GPHN: variants seen among roughly 807,000 people sequenced by gnomAD.
GPHN encodes gephyrin.
GPHN carries 17 observed loss-of-function variants against 95.5 expected under a neutral mutation model. The ratio of observed to expected loss-of-function variants is 0.18; its 90% CI spans 0.12 to 0.27. GPHN has a LOEUF of 0.27. GPHN is among the 10% of genes least tolerant of loss of function. The pLI is 1.00. For synonymous variants in GPHN, 320 were observed against 322.5 expected (o/e 0.99, Z 0.08); for missense variants, 660 against 978.1 (o/e 0.67, Z 4.34).
chr14:67,602,646 A>G, the GPHN span, among the ~76,000 whole-genome samples: 1 of 152,350 alleles, frequency 6.6e-6, no homozygotes, highest in South Asian at 2.1e-4. Context: ...TAGTTTCATT[A>G]ACTTCTAATT....
intron 2 of GPHN, among the ~76,000 whole-genome samples, chr14:66,687,473 T>G (rs2067453795): frequency 6.6e-6 from 1 of 151,562 alleles, no homozygotes; most frequent in African/African-American, 2.4e-5. Flanking sequence ...CTTCTTTTTC[T>G]TTATTTTATT....
chr14:67,043,172 G>T lies in GPHN; in HGVS notation c.1007-15477G>T, dbSNP rs557979909. On this transcript the variant is annotated intron_variant, in intron 10 of 22. Transcript: ENST00000478722. ...TTCTAAATATACAATCATGTCATCT[G>T]CAAACAGAGACAATTTGACTTCTTC... Among the ~76,000 whole-genome samples, 123 of 152,330 alleles carry T rather than the reference G, an allele frequency of 8.1e-4. No homozygotes were observed. In the South Asian group the frequency reaches 0.011, roughly 13 times the overall value.
chr14:67,181,056 A>G lies in GPHN; in HGVS notation c.*119A>G. 1.2e-6 allele frequency: 1 copy of G among 827,162 alleles called. No homozygotes were observed. Among genetic ancestry groups the G allele is most frequent in the Non-Finnish European group, 2.0e-6 (1 of 494,860 alleles). The allele number at this position is 827,162 out of a possible 1,614,324, so 51.2% of individuals were successfully genotyped here. A position where few individuals can be genotyped will look rare whatever the true frequency, so the allele number is the denominator to read the frequency against. The stretch of plus-strand genomic sequence containing the variant: ...ATAAAAGTTGATCTGTATAGTCAAC[A>G]TCTTGAACTATATTTCAAATGAATT... On this transcript the variant is annotated 3_prime_UTR_variant, in exon 23 of 23. Coordinates refer to ENST00000478722, the MANE Select transcript of GPHN (RefSeq NM_020806.5).
At position 66,900,984 on chromosome 14, in the gene GPHN, C is replaced by T. The variant is rs561959452; in HGVS notation, c.390-15019C>T. 5.9e-5 allele frequency among the ~76,000 whole-genome samples: 9 copies of T among 152,104 alleles called. No homozygotes were observed. The East Asian group carries it at 1.7e-3, about 29-fold the overall frequency. ...TTCCATACTGCTCTCCATAGTGGCT[C>T]TACTAATTTACATTTCCACCAACAG... On this transcript the variant is annotated intron_variant, in intron 5 of 22. Transcript: ENST00000478722.
At chr14:66,539,013 T>C (rs1286721364) in intron 1 of GPHN, among the ~76,000 whole-genome samples, 1 of 152,146 alleles carries the variant, frequency 6.6e-6, no homozygotes, top group Non-Finnish European at 1.5e-5. Flanking sequence ...TAAGATTTAG[T>C]CTATCTCTGG....
At chr14:67,096,715 C>G (rs564034942) in intron 12 of GPHN, among the ~76,000 whole-genome samples, 4 of 109,852 alleles carry the variant, frequency 3.6e-5, no homozygotes, top group East Asian at 3.3e-4. Context: ...CCCCACCCCC[C>G]ACCCGGTTCT....
At chr14:67,533,299 C>G in the GPHN span, 1 of 151,948 alleles carries the variant, frequency 6.6e-6, no homozygotes, top group Non-Finnish European at 1.5e-5. Flanking sequence ...CGGCGGCAGC[C>G]CGGGACTCCG....
the GPHN span, chr14:67,376,721 G>A: frequency 1.1e-6 from 1 of 872,522 alleles, no homozygotes; most frequent in Non-Finnish European, 1.7e-6. Flanking sequence ...GCCAGTAAAT[G>A]GGCCAATCCT....
At chr14:67,456,066 A>G in the GPHN span, among the ~76,000 whole-genome samples, 1 of 152,270 alleles carries the variant, frequency 6.6e-6, no homozygotes, top group Non-Finnish European at 1.5e-5. Context: ...CAAACTATGC[A>G]TCTGACAAAG....
intron 12 of GPHN, 58 bp downstream of exon 12, chr14:67,089,133 C>CTTTTTTTTTTTTTTTTTTGT (rs2077041264): frequency 5.7e-6 from 1 of 174,676 alleles, no homozygotes; most frequent in Non-Finnish European, 8.9e-6. Context: ...TTCTTTTTTT[C>CTTTTTTTTTTTTTTTTTTGT]TTTTTTTTTT....
chr14:66,588,812 G>A lies in GPHN; in HGVS notation c.64+80221G>A, dbSNP rs184355462. On this transcript the variant is annotated intron_variant, in intron 1 of 22. Transcript: ENST00000478722. ...GAACCACACTGGAAATCACTCTTCAGGATATTATCCAGGAGAACTTTCCCA... is the reference window on the plus strand; with the variant it reads ...GAACCACACTGGAAATCACTCTTCAAGATATTATCCAGGAGAACTTTCCCA... 3.6e-3 allele frequency among the ~76,000 whole-genome samples: 555 copies of A among 152,262 alleles called. 12 individuals are homozygous for A. Among genetic ancestry groups the A allele is most frequent in the African/African-American group, 0.013 (529 of 41,566 alleles).
At chr14:67,379,654 C>CTTTTT in the GPHN span, among the ~76,000 whole-genome samples, 14 of 119,954 alleles carry the variant, frequency 1.2e-4, no homozygotes, top group Non-Finnish European at 1.6e-4. Flanking sequence ...TTTTCTTTTT[C>CTTTTT]TTTTTTTTTT....
intron 1 of GPHN, among the ~76,000 whole-genome samples, chr14:66,623,089 A>G (rs535223958): frequency 6.6e-6 from 1 of 152,188 alleles, no homozygotes; most frequent in Non-Finnish European, 1.5e-5. Flanking sequence ...ACAGTTCTTC[A>G]TGACTGGGGA....
chr14:66,700,621 A>G (rs2068463803), intron 2 of GPHN, among the ~76,000 whole-genome samples: 2 of 152,182 alleles, frequency 1.3e-5, no homozygotes, highest in Non-Finnish European at 2.9e-5. Flanking sequence ...TAGAACAAAT[A>G]TCCAGTTAAA....
intron 2 of GPHN, among the ~76,000 whole-genome samples, chr14:66,684,176 C>G (rs2067184963): frequency 1.3e-5 from 2 of 152,020 alleles, no homozygotes; most frequent in Non-Finnish European, 2.9e-5. Context: ...CCCATTTGAG[C>G]TGCTGATACT....
the GPHN span, among the ~76,000 whole-genome samples, chr14:67,624,808 C>T: frequency 6.6e-6 from 1 of 152,178 alleles, no homozygotes; most frequent in African/African-American, 2.4e-5. Flanking sequence ...CAAAGGCTTG[C>T]AGCAATCTGG....
At chr14:66,814,133 G>A (rs1221649846) in intron 3 of GPHN, among the ~76,000 whole-genome samples, 1 of 152,058 alleles carries the variant, frequency 6.6e-6, no homozygotes, top group Non-Finnish European at 1.5e-5. Flanking sequence ...AGACACCCTT[G>A]GTAAGCACAG....
At chr14:66,677,986 A>C (rs950115134) in intron 1 of GPHN, among the ~76,000 whole-genome samples, 6 of 152,058 alleles carry the variant, frequency 3.9e-5, no homozygotes, top group African/African-American at 1.4e-4. Flanking sequence ...GGATTCCCTT[A>C]TATGTAACTT....
At chr14:66,999,046 C>T (rs996408939) in intron 9 of GPHN, among the ~76,000 whole-genome samples, 3 of 151,704 alleles carry the variant, frequency 2.0e-5, no homozygotes, top group African/African-American at 7.3e-5. Context: ...GAAATTGAGA[C>T]GCAGAGAGGT....
Sources: gnomAD v4.1 joint callset for allele counts (sites outside exome capture counted in the v4.1 genomes callset) on GRCh38, gnomAD v4.1.1 for gene constraint, MANE v1.5 for transcripts, NCBI Gene and HGNC (gene_info 2026-07-23, HGNC 2026-07-21) for gene names.